CCDC40: variants seen among roughly 807,000 people sequenced by gnomAD.
CCDC40 encodes coiled-coil domain-containing protein 40.
CCDC40 carries 104 observed loss-of-function variants against 124.5 expected under a neutral mutation model. The ratio of observed to expected loss-of-function variants is 0.84; its 90% CI spans 0.71 to 0.98. CCDC40 has a LOEUF of 0.98. Ranked by LOEUF, CCDC40 falls within the 50% of genes least tolerant of loss-of-function variation. The pLI, the probability that CCDC40 is intolerant of heterozygous loss-of-function variation, is 0.00. For synonymous variants in CCDC40, 580 were observed against 602.9 expected, an observed-to-expected ratio of 0.96 and a Z score of 0.56; for missense variants, 1,463 against 1,503.9, an observed-to-expected ratio of 0.97 and a Z score of 0.45.
chr17:80,089,811 T>TG lies in CCDC40; in HGVS notation c.2760dup (p.Arg921AlafsTer77), dbSNP rs1238591476. The TG allele has an allele frequency of 6.2e-7, 1 of 1,614,232 alleles. No homozygotes were observed. Among genetic ancestry groups the TG allele is most frequent in the Admixed American group, 1.7e-5 (1 of 60,032 alleles). On this transcript the variant is annotated frameshift_variant, in exon 17 of 20. Coordinates refer to ENST00000397545, the MANE Select transcript of CCDC40 (RefSeq NM_017950.4). LOFTEE classifies it high-confidence loss of function. ...AAAAAAATCCAACTGGCAAAAGAGA[T>TG]GCGTTCCTCAGTGGATTCCGAGATC...
chr17:80,079,074 C>T (rs899702034), intron 10 of CCDC40, among the ~76,000 whole-genome samples: 4 of 152,030 alleles, frequency 2.6e-5, no homozygotes, highest in African/African-American at 9.7e-5. Flanking sequence ...GCTGTGAACA[C>T]AGCCACACAC....
intron 16 of CCDC40, among the ~76,000 whole-genome samples, chr17:80,089,256 C>T (rs1217281984): frequency 6.6e-6 from 1 of 152,190 alleles, no homozygotes; most frequent in African/African-American, 2.4e-5. Flanking sequence ...GCGGAGCAGG[C>T]GTGGTGTGGA....
intron 9 of CCDC40, among the ~76,000 whole-genome samples, chr17:80,059,952 C>G (rs1003122871): frequency 1.3e-5 from 2 of 152,240 alleles, no homozygotes; most frequent in African/African-American, 4.8e-5. Flanking sequence ...TTACTCAGCA[C>G]TGGTCTCTCC....
intron 10 of CCDC40, among the ~76,000 whole-genome samples, chr17:80,078,932 CTTTT>C (rs529655342): frequency 2.3e-5 from 3 of 131,648 alleles, no homozygotes; most frequent in Non-Finnish European, 3.2e-5. Context: ...GTATCAGTAT[CTTTT>C]TTTTTTTTTT....
chr17:80,062,575 A>G (rs2037932655), intron 9 of CCDC40, among the ~76,000 whole-genome samples: 1 of 150,288 alleles, frequency 6.7e-6, no homozygotes, highest in Non-Finnish European at 1.5e-5. Flanking sequence ...TGTCCTTGCA[A>G]TAGTTTGCTG....
chr17:80,070,838 C>T (rs1173526522), intron 10 of CCDC40, among the ~76,000 whole-genome samples: 2 of 152,218 alleles, frequency 1.3e-5, no homozygotes, highest in Non-Finnish European at 2.9e-5. Context: ...GCTGTGGTAG[C>T]TCATGGTGTC....
rs2038586691 is a variant in CCDC40 at position 80,086,259 on chromosome 17, G to A, written c.2449+43G>A. ...CGGCCCTGCAGTGATGCTGAGACGAGCTCTGGGACGTGGGCACCTCCCAGG... is the reference window on the plus strand; with the variant it reads ...CGGCCCTGCAGTGATGCTGAGACGAACTCTGGGACGTGGGCACCTCCCAGG... On this transcript the variant is annotated intron_variant, in intron 14 of 19. Coordinates refer to ENST00000397545, the MANE Select transcript of CCDC40 (RefSeq NM_017950.4). This position sits in a 1 kb window ranked among gnomAD's most constrained non-coding sequence, Gnocchi z 5.5. 1 of 1,518,764 alleles carries A rather than the reference G, an allele frequency of 6.6e-7. No homozygotes were observed. Among genetic ancestry groups the A allele is most frequent in the Non-Finnish European group, 9.0e-7 (1 of 1,117,004 alleles). The allele number at this position is 1,518,764 out of a possible 1,614,324, so 94.1% of individuals were successfully genotyped here.
chr17:80,074,798 A>G (rs945899467), intron 10 of CCDC40, among the ~76,000 whole-genome samples: 2 of 152,174 alleles, frequency 1.3e-5, no homozygotes, highest in Admixed American at 6.6e-5. Flanking sequence ...CTGTAAAGCT[A>G]TAGCTGTCAT....
chr17:80,049,962 A>C lies in CCDC40; in HGVS notation c.912A>C (p.Glu304Asp). The change falls in exon 6 of 20, where the codon GAA (glutamate) becomes GAC (aspartate). Residue 304 changes from glutamate (E) to aspartate (D), a missense_variant. By Grantham distance (45) the Glu-to-Asp change is conservative. Transcript: ENST00000397545. The stretch of plus-strand genomic sequence containing the variant: ...AGAACTACCTGAACCGACAGATCGA[A>C]AAGTTGAAGCTGGACCTCCAAGAGC... ...ALKNYLNRQIEKLKLDLQELV... is the reference protein window; with the variant it reads ...ALKNYLNRQIDKLKLDLQELV... The C allele has an allele frequency of 6.2e-7, 1 of 1,614,026 alleles. No homozygotes were observed.
At chr17:80,088,924 G>C (rs1384031673) in intron 16 of CCDC40, among the ~76,000 whole-genome samples, 3 of 152,208 alleles carry the variant, frequency 2.0e-5, no homozygotes, top group African/African-American at 7.2e-5. Context: ...ACGAGTTACT[G>C]CTAGAAATTG....
chr17:80,055,901 T>G (rs1477171202), intron 7 of CCDC40, among the ~76,000 whole-genome samples: 1 of 144,782 alleles, frequency 6.9e-6, no homozygotes, highest in Non-Finnish European at 1.5e-5. Flanking sequence ...AGCCTCGAAC[T>G]CCCAGCCTTA....
chr17:80,066,414 TAA>T lies in CCDC40; in HGVS notation c.1562+811_1562+812del. On this transcript the variant is annotated intron_variant, in intron 10 of 19. Transcript: ENST00000397545. The surrounding 1 kb of genome is among the most constrained non-coding windows in gnomAD (Gnocchi z 4.4). ...AAACAAAATGAAACCATTTTGTTTT[TAA>T]AAGTTTTTAGACCAAAACATTTTCA... 3 of 537,954 alleles carry T rather than the reference TAA, an allele frequency of 5.6e-6. No individual in the cohort carries two copies. Among genetic ancestry groups the T allele is most frequent in the East Asian group, 6.1e-5 (2 of 32,820 alleles). The allele number at this position is 537,954 out of a possible 1,614,324, so 33.3% of individuals were successfully genotyped here. A position where few individuals can be genotyped will look rare whatever the true frequency, so the allele number is the denominator to read the frequency against.
intron 3 of CCDC40, among the ~76,000 whole-genome samples, chr17:80,044,709 A>AT (rs200113202): frequency 1.8e-5 from 1 of 55,668 alleles, no homozygotes; most frequent in Non-Finnish European, 3.6e-5. Flanking sequence ...AAACAAACAA[A>AT]AAAAAAAATA....
Position 80,083,697 on chromosome 17 carries a change from C to T in CCDC40, c.1990-1046C>T, listed in dbSNP as rs181288755. ...CTCCTGATTATCACAAACGTCCTCT[C>T]GATAAACCCCCCGTTGCCAGAAGGG... On this transcript the variant is annotated intron_variant, in intron 12 of 19. Transcript: ENST00000397545. 1.2e-4 allele frequency among the ~76,000 whole-genome samples: 19 copies of T among 152,314 alleles called. No individual in the cohort carries two copies. In the East Asian group the frequency reaches 3.7e-3, roughly 29 times the overall value.
Position 80,043,705 on chromosome 17 carries a change from G to A in CCDC40, c.552+3435G>A, listed in dbSNP as rs569908870. Among the ~76,000 whole-genome samples the A allele has an allele frequency of 3.0e-4, 44 of 149,148 alleles. No individual in the cohort carries two copies. In the South Asian group the frequency reaches 8.6e-3, roughly 29 times the overall value. On this transcript the variant is annotated intron_variant, in intron 3 of 19. Coordinates refer to ENST00000397545, the MANE Select transcript of CCDC40 (RefSeq NM_017950.4). ...GCTAATTTTTGTATTTTTTGTACAA[G>A]GGGGCGTCTTACCATGATACCCAGG...
chr17:80,084,480 G>A (rs185152116), intron 12 of CCDC40, among the ~76,000 whole-genome samples: 2 of 152,272 alleles, frequency 1.3e-5, no homozygotes, highest in Admixed American at 1.3e-4. Context: ...AGATGTGAGT[G>A]GGGACACAGC....
At chr17:80,079,542 C>T (rs1388096955) in intron 10 of CCDC40, among the ~76,000 whole-genome samples, 2 of 152,144 alleles carry the variant, frequency 1.3e-5, no homozygotes. Context: ...TAATCATCCT[C>T]ATCGATCCAT....
At chr17:80,084,624 T>A in intron 12 of CCDC40, 119 bp from the exon 13 acceptor site, 1 of 1,232,042 alleles carries the variant, frequency 8.1e-7, no homozygotes, top group South Asian at 1.3e-5. Context: ...CACTCGTGAC[T>A]GTGCGTTTGG....
chr17:80,069,692 G>A (rs560869710), intron 10 of CCDC40, among the ~76,000 whole-genome samples: 45 of 152,188 alleles, frequency 3.0e-4, no homozygotes, highest in African/African-American at 1.0e-3. Flanking sequence ...TGGAGGTGGC[G>A]GTGAAGCAAG....
Sources: gnomAD v4.1 joint callset for allele counts (sites outside exome capture counted in the v4.1 genomes callset) on GRCh38, gnomAD v4.1.1 for gene constraint, Gnocchi (gnomAD v3.1) non-coding constraint, MANE v1.5 for transcripts, NCBI Gene and HGNC (gene_info 2026-07-23, HGNC 2026-07-21) for gene names.